The following SYT16 variants were observed in gnomAD, a reference collection of about 807,000 sequenced individuals.
The protein encoded by SYT16 is synaptotagmin-16.
A neutral mutation model predicts 61.4 loss-of-function variants in SYT16; 42 were observed. The observed-to-expected ratio is 0.68, with a 90% confidence interval of 0.53 to 0.89. The LOEUF is 0.89. Among genes scored for constraint, SYT16 ranks in the 40% least tolerant of loss-of-function variants. The probability of loss-of-function intolerance (pLI) is 0.00; values close to 1 mark genes in which losing one functional copy is unlikely to be tolerated. For missense variants in SYT16, 804 were observed against 807.3 expected (o/e 1.00, Z 0.05); for synonymous variants, 314 against 302.3 (o/e 1.04, Z -0.40).
intron 1 of SYT16, among the ~76,000 whole-genome samples, chr14:61,935,864 G>A (rs8018201): frequency 0.15 from 22,079 of 152,118 alleles, 2,369 homozygotes; most frequent in African/African-American, 0.31. Context: ...ATTTTGTTAT[G>A]TGTTTTAATA....
intron 1 of SYT16, among the ~76,000 whole-genome samples, chr14:61,903,864 C>T (rs2048608257): frequency 6.6e-6 from 1 of 152,176 alleles, no homozygotes; most frequent in Non-Finnish European, 1.5e-5. Context: ...TAAAGGTAAC[C>T]ACTGCTGGGA....
At chr14:62,064,353 A>G (rs1187672922) in intron 3 of SYT16, among the ~76,000 whole-genome samples, 1 of 150,526 alleles carries the variant, frequency 6.6e-6, no homozygotes, top group Non-Finnish European at 1.5e-5. Context: ...AAAAAAAAAA[A>G]AAAAAGAAAA....
chr14:62,100,621 GGA>G lies in SYT16; in HGVS notation c.1856_1857del (p.Glu619GlyfsTer67). The stretch of plus-strand genomic sequence containing the variant: ...GATTGCCCTGGGCCAGAACAGCAGT[GGA>G]GAGGAGGAACAAGATCACTGGGAGG... ...GWIALGQNSS[G>X]EEEQDHWEEM... is the part of the protein sequence containing the mutation. On this transcript the variant is annotated frameshift_variant, in exon 8 of 8. Coordinates refer to ENST00000683842, the MANE Select transcript of SYT16 (RefSeq NM_001367656.1). LOFTEE classifies it high-confidence loss of function. The G allele has an allele frequency of 6.2e-7, 1 of 1,613,848 alleles. No homozygotes were observed. Among genetic ancestry groups the G allele is most frequent in the Non-Finnish European group, 8.5e-7 (1 of 1,179,826 alleles).
chr14:61,889,168 C>G (rs2048027715), intron 1 of SYT16, among the ~76,000 whole-genome samples: 1 of 152,080 alleles, frequency 6.6e-6, no homozygotes, highest in Admixed American at 6.6e-5. Context: ...ACTCTGACTC[C>G]AACAAGGACA....
At chr14:61,946,945 G>A (rs1009379139) in intron 1 of SYT16, among the ~76,000 whole-genome samples, 1 of 152,118 alleles carries the variant, frequency 6.6e-6, no homozygotes, top group African/African-American at 2.4e-5. Context: ...ACAAAGAACG[G>A]TTGGACTGCT....
chr14:61,857,805 G>A (rs548690962), intron 1 of SYT16, among the ~76,000 whole-genome samples: 1 of 152,274 alleles, frequency 6.6e-6, no homozygotes, highest in Non-Finnish European at 1.5e-5. Context: ...TTTGACCTAA[G>A]ATGGGAACAC....
intron 1 of SYT16, among the ~76,000 whole-genome samples, chr14:61,905,125 C>G (rs1256466362): frequency 1.3e-5 from 2 of 152,152 alleles, no homozygotes; most frequent in African/African-American, 4.8e-5. Context: ...TAGGAACTAC[C>G]TGCACTGACT....
chr14:61,880,134 C>T (rs1281883732), intron 1 of SYT16, among the ~76,000 whole-genome samples: 1 of 152,186 alleles, frequency 6.6e-6, no homozygotes, highest in Non-Finnish European at 1.5e-5. Context: ...CCAGTGCTGC[C>T]ACAGATATAC....
In SYT16 at chr14:62,071,866, G is replaced by T. The variant is rs1010715493; in HGVS notation, c.736+2051G>T. On this transcript the variant is annotated intron_variant, in intron 4 of 7. Transcript: ENST00000683842. ...CAAATCTAAGTAAAATCTGAAACAT[G>T]AGTGAGCTATTGGTAGGTTGTCTCA... Among the ~76,000 whole-genome samples, 5 of 152,158 alleles carry T rather than the reference G, an allele frequency of 3.3e-5. No individual in the cohort carries two copies. In the South Asian group the frequency reaches 1.0e-3, roughly 31 times the overall value.
In SYT16 at chr14:62,069,762, G is replaced by T. The variant is rs202197767; in HGVS notation, c.683G>T (p.Ser228Ile). The change falls in exon 4 of 8, where the codon AGC (serine) becomes ATC (isoleucine). Residue 228 changes from serine (S) to isoleucine (I), a missense_variant. Coordinates refer to ENST00000683842, the MANE Select transcript of SYT16 (RefSeq NM_001367656.1). Reference sequence around the variant, plus strand: ...GGATTGGAGCAGAAACCAAAATTCAGCCGTTCGTTGTTGACACACGGAGAA... The same window carrying T: ...GGATTGGAGCAGAAACCAAAATTCATCCGTTCGTTGTTGACACACGGAGAA... ...QTGLEQKPKF[S>I]RSLLTHGEDG... 32 of 1,614,028 alleles carry T rather than the reference G, an allele frequency of 2.0e-5. No homozygotes were observed. The Admixed American group carries it at 5.2e-4, about 26-fold the overall frequency.
chr14:62,081,433 G>A (rs1219044570), intron 6 of SYT16, among the ~76,000 whole-genome samples, 159 bp downstream of exon 6: 1 of 152,160 alleles, frequency 6.6e-6, no homozygotes, highest in Non-Finnish European at 1.5e-5. Context: ...GCACTTCATG[G>A]TACAATGGGT....
intron 6 of SYT16, 100 bp downstream of exon 6, chr14:62,081,374 T>G: frequency 1.5e-6 from 2 of 1,299,712 alleles, no homozygotes; most frequent in Non-Finnish European, 2.1e-6. Context: ...TTCAGAGACT[T>G]TAATTTAATT....
At chr14:61,931,928 C>T in intron 1 of SYT16, among the ~76,000 whole-genome samples, 1 of 152,178 alleles carries the variant, frequency 6.6e-6, no homozygotes, top group East Asian at 1.9e-4. Flanking sequence ...TATTAGAAAA[C>T]TGCCCTGAAG....
At chr14:61,945,820 C>T (rs1024973216) in intron 1 of SYT16, among the ~76,000 whole-genome samples, 46 of 129,990 alleles carry the variant, frequency 3.5e-4, no homozygotes, top group Non-Finnish European at 4.1e-4. Flanking sequence ...CACGCCACTG[C>T]ACTCCAGCCT....
At chr14:61,874,876 G>T (rs894872889) in intron 1 of SYT16, among the ~76,000 whole-genome samples, 2 of 152,002 alleles carry the variant, frequency 1.3e-5, no homozygotes, top group Admixed American at 1.3e-4. Flanking sequence ...TTAGAGTCTG[G>T]TTATTCTAAA....
At chr14:62,083,417 T>C (rs988324823) in intron 6 of SYT16, among the ~76,000 whole-genome samples, 3 of 152,076 alleles carry the variant, frequency 2.0e-5, no homozygotes, top group Non-Finnish European at 2.9e-5. Context: ...GGACAATCAG[T>C]GTCCTTCTCA....
intron 1 of SYT16, chr14:61,832,375 C>A (rs1182452196): frequency 1.1e-5 from 6 of 552,980 alleles, no homozygotes; most frequent in Non-Finnish European, 2.2e-5. Context: ...AACATTCTGC[C>A]GCAGCTGCCC....
chr14:62,078,981 G>T (rs2056612329), intron 5 of SYT16, among the ~76,000 whole-genome samples: 1 of 152,188 alleles, frequency 6.6e-6, no homozygotes, highest in Non-Finnish European at 1.5e-5. Flanking sequence ...GTCTGTAAAG[G>T]ATTTGATATG....
chr14:62,094,268 T>C (rs188868063), intron 7 of SYT16, among the ~76,000 whole-genome samples: 1 of 152,262 alleles, frequency 6.6e-6, no homozygotes, highest in Admixed American at 6.5e-5. Context: ...AAAATCTCTT[T>C]CTTCAGAGAT....
Sources: allele counts gnomAD v4.1 joint callset (sites outside exome capture counted in the v4.1 genomes callset), GRCh38; gene constraint gnomAD v4.1.1; transcripts MANE v1.5; gene names NCBI Gene and HGNC (gene_info 2026-07-23, HGNC 2026-07-21).